Variants in EEIG1 observed in about 807,000 individuals in gnomAD.
The protein encoded by EEIG1 is early estrogen-induced gene 1 protein.
chr9:127,976,432 C>T, the EEIG1 span, among the ~76,000 whole-genome samples: 8 of 152,358 alleles, frequency 5.3e-5, no homozygotes, highest in South Asian at 2.1e-4. The surrounding 1 kb of genome is among the most constrained non-coding windows in gnomAD (Gnocchi z 4.1). Context: ...CTTTATAGAA[C>T]GATAAAAGTG....
chr9:127,962,971 T>C, the EEIG1 span, among the ~76,000 whole-genome samples: 1 of 152,158 alleles, frequency 6.6e-6, no homozygotes, highest in Non-Finnish European at 1.5e-5. Context: ...AATTTTAAAA[T>C]GATAGAAGCA....
chr9:127,955,589 C>T, the EEIG1 span, among the ~76,000 whole-genome samples: 1 of 152,216 alleles, frequency 6.6e-6, no homozygotes, highest in Admixed American at 6.5e-5. Flanking sequence ...CCAGTGATGA[C>T]TCATTGTCAC....
At chr9:127,949,842 A>G in the EEIG1 span, among the ~76,000 whole-genome samples, 1 of 152,240 alleles carries the variant, frequency 6.6e-6, no homozygotes, top group Admixed American at 6.5e-5. Context: ...CAAAAGGCCA[A>G]CGAGGCAGCT....
the EEIG1 span, among the ~76,000 whole-genome samples, chr9:127,962,093 G>A: frequency 6.6e-6 from 1 of 152,144 alleles, no homozygotes; most frequent in Non-Finnish European, 1.5e-5. Flanking sequence ...GGGGAGGGAG[G>A]GCAAGCTGTG....
At chr9:127,960,632 G>C in the EEIG1 span, among the ~76,000 whole-genome samples, 1 of 152,172 alleles carries the variant, frequency 6.6e-6, no homozygotes, top group African/African-American at 2.4e-5. Flanking sequence ...GGTGCTCTGG[G>C]CATGTTGAAA....
chr9:127,977,884 G>A, the EEIG1 span, among the ~76,000 whole-genome samples: 1 of 152,192 alleles, frequency 6.6e-6, no homozygotes, highest in South Asian at 2.1e-4. Flanking sequence ...TAAGTGAGAG[G>A]TGCTAGTAAA....
chr9:127,943,163 G>A, the EEIG1 span: 2 of 1,611,980 alleles, frequency 1.2e-6, no homozygotes, highest in Non-Finnish European at 1.7e-6. Flanking sequence ...GAGAAAGCAG[G>A]ACTCTTCTCC....
At chr9:127,964,092 A>G in the EEIG1 span, among the ~76,000 whole-genome samples, 14 of 152,124 alleles carry the variant, frequency 9.2e-5, no homozygotes, top group Non-Finnish European at 2.1e-4. Context: ...GCCTCCCTGG[A>G]AAGCCGGGGG....
chr9:127,966,614 C>CACTCTG, the EEIG1 span, among the ~76,000 whole-genome samples: 1 of 152,218 alleles, frequency 6.6e-6, no homozygotes, highest in African/African-American at 2.4e-5. Flanking sequence ...TGCAAATGAT[C>CACTCTG]ACTCTCTCTT....
chr9:127,942,820 G>A, the EEIG1 span: 8 of 295,678 alleles, frequency 2.7e-5, no homozygotes, highest in Non-Finnish European at 5.3e-5. Flanking sequence ...CTCAGCCACA[G>A]GCATCTCTAC....
At chr9:127,951,770 T>G in the EEIG1 span, among the ~76,000 whole-genome samples, 1 of 141,178 alleles carries the variant, frequency 7.1e-6, no homozygotes, top group Non-Finnish European at 1.5e-5. Context: ...TGAGCCGAGA[T>G]CGCGCCACTG....
chr9:127,948,531 T>C, the EEIG1 span: 4 of 998,014 alleles, frequency 4.0e-6, no homozygotes, highest in African/African-American at 6.4e-5. Flanking sequence ...ATCCTGTCTC[T>C]CTGCCCCCTC....
chr9:127,973,625 C>T, the EEIG1 span, among the ~76,000 whole-genome samples: 1 of 152,236 alleles, frequency 6.6e-6, no homozygotes, highest in Non-Finnish European at 1.5e-5. This position sits in a 1 kb window ranked among gnomAD's most constrained non-coding sequence, Gnocchi z 4.2. Context: ...ACAGTCACGG[C>T]AGCTTCAGGC....
chr9:127,945,574 G>A, the EEIG1 span: 100 of 1,562,724 alleles, frequency 6.4e-5, no homozygotes, highest in East Asian at 1.4e-4. This position sits in a 1 kb window ranked among gnomAD's most constrained non-coding sequence, Gnocchi z 6.5. Flanking sequence ...TGTCAGGGGC[G>A]ACGCAGGGGA....
the EEIG1 span, among the ~76,000 whole-genome samples, chr9:127,976,184 C>T: frequency 6.6e-6 from 1 of 152,202 alleles, no homozygotes; most frequent in Non-Finnish European, 1.5e-5. The surrounding 1 kb of genome is among the most constrained non-coding windows in gnomAD (Gnocchi z 4.1). Context: ...CGGCCCACTG[C>T]CATCAAGGCA....
chr9:127,941,747 TGGGCCCCAGCGCTG>T, the EEIG1 span: 2 of 152,176 alleles, frequency 1.3e-5, no homozygotes, highest in South Asian at 4.2e-4. Context: ...GCCCCCCAGC[TGGGCCCCAGCGCTG>T]CTGGAACCAG....
chr9:127,970,694 C>T, the EEIG1 span, among the ~76,000 whole-genome samples: 9 of 152,090 alleles, frequency 5.9e-5, no homozygotes, highest in Non-Finnish European at 8.8e-5. Flanking sequence ...GCTTCTGTGG[C>T]TCCCACCCCT....
chr9:127,942,561 C>T, the EEIG1 span: 153 of 155,092 alleles, frequency 9.9e-4, no homozygotes, highest in South Asian at 0.016. Flanking sequence ...AGGCAGGGGT[C>T]TCGATCTGGA....
chr9:127,941,440 T>G, the EEIG1 span: 10,956 of 152,678 alleles, frequency 0.072, 465 homozygotes, highest in Middle Eastern at 0.1. Context: ...CAGCTTCCTT[T>G]TTAAAGTGCC....
Sources: gnomAD v4.1 joint callset for allele counts (sites outside exome capture counted in the v4.1 genomes callset) on GRCh38, gnomAD v4.1.1 for gene constraint, Gnocchi (gnomAD v3.1) non-coding constraint, MANE v1.5 for transcripts, NCBI Gene and HGNC (gene_info 2026-07-23, HGNC 2026-07-21) for gene names.